CLIC5: variants seen among roughly 807,000 people sequenced by gnomAD.
The protein encoded by CLIC5 is chloride intracellular channel protein 5.
CLIC5 carries 20 observed loss-of-function variants against 24.7 expected under a neutral mutation model. That is an observed-to-expected ratio of 0.81 (90% confidence interval 0.57 to 1.18). CLIC5 has a LOEUF of 1.18. Among genes scored for constraint, CLIC5 ranks in the 50% most tolerant of loss-of-function variants. CLIC5 has a pLI of 0.00. For missense variants in CLIC5, 341 were observed against 326.1 expected (o/e 1.05, Z -0.35); for synonymous variants, 159 against 135.6 (o/e 1.17, Z -1.20).
upstream of CLIC5, among the ~76,000 whole-genome samples, chr6:46,016,199 G>GAAGGGGAAGAGGAAGGGGAAAGGGGA (rs1767003941): frequency 8.6e-6 from 1 of 116,268 alleles, no homozygotes; most frequent in Non-Finnish European, 1.9e-5. Context: ...GGGGAAAGGG[G>GAAGGGGAAGAGGAAGGGGAAAGGGGA]AAGGGGAAGA....
chr6:45,957,604 A>G (rs1764688257), intron 1 of CLIC5, among the ~76,000 whole-genome samples: 1 of 152,202 alleles, frequency 6.6e-6, no homozygotes, highest in South Asian at 2.1e-4. Context: ...AGCATAGGGC[A>G]TGGTATCCTT....
intron 1 of CLIC5, among the ~76,000 whole-genome samples, chr6:46,026,950 A>G (rs1357137229): frequency 6.6e-6 from 1 of 152,228 alleles, no homozygotes; most frequent in East Asian, 1.9e-4. Context: ...CAAATGAGAT[A>G]GTAATCTCAT....
At chr6:45,983,318 T>C (rs1765626101) in intron 1 of CLIC5, among the ~76,000 whole-genome samples, 1 of 152,144 alleles carries the variant, frequency 6.6e-6, no homozygotes, top group Admixed American at 6.5e-5. Flanking sequence ...GTGTGTGCTG[T>C]CATGCACAGA....
chr6:46,041,847 G>T (rs1041270777), intron 1 of CLIC5, among the ~76,000 whole-genome samples: 3 of 152,154 alleles, frequency 2.0e-5, no homozygotes, highest in African/African-American at 7.2e-5. Context: ...ATGGCAGAGT[G>T]CCTGACACAG....
At chr6:46,091,663 A>G in the CLIC5 span, among the ~76,000 whole-genome samples, 1 of 152,214 alleles carries the variant, frequency 6.6e-6, no homozygotes, top group Non-Finnish European at 1.5e-5. Flanking sequence ...GCTTGAGCCC[A>G]GGAGGTCGAG....
the CLIC5 span, among the ~76,000 whole-genome samples, chr6:46,093,047 C>A: frequency 6.6e-6 from 1 of 152,174 alleles, no homozygotes; most frequent in Middle Eastern, 3.2e-3. Flanking sequence ...TTTCGCAGTA[C>A]AGCTAAGAAT....
chr6:45,987,052 T>A (rs1197331159), intron 1 of CLIC5, among the ~76,000 whole-genome samples: 1 of 152,268 alleles, frequency 6.6e-6, no homozygotes, highest in South Asian at 2.1e-4. Context: ...GGAGACCTGA[T>A]ACTCTTTCAC....
downstream of CLIC5, among the ~76,000 whole-genome samples, chr6:45,897,152 C>T (rs1188812266): frequency 1.3e-5 from 2 of 152,162 alleles, no homozygotes; most frequent in Non-Finnish European, 2.9e-5. Context: ...GAGGCTGCTA[C>T]CCTCTCAGGG....
intron 1 of CLIC5, among the ~76,000 whole-genome samples, chr6:46,008,998 G>A (rs1766702021): frequency 6.6e-6 from 1 of 152,076 alleles, no homozygotes; most frequent in South Asian, 2.1e-4. Flanking sequence ...AGCTTCTTAA[G>A]CATACAGATG....
At chr6:45,976,864 A>T (rs3777600) in intron 1 of CLIC5, among the ~76,000 whole-genome samples, 19,064 of 152,152 alleles carry the variant, frequency 0.13, 1,762 homozygotes, top group East Asian at 0.48. Flanking sequence ...AACACTAACA[A>T]CAACAAAAGG....
At chr6:45,908,383 T>A (rs1423473382) in intron 5 of CLIC5, among the ~76,000 whole-genome samples, 1 of 152,212 alleles carries the variant, frequency 6.6e-6, no homozygotes, top group African/African-American at 2.4e-5. Flanking sequence ...ATTTGAGATC[T>A]TTCTAACTTT....
intron 1 of CLIC5, among the ~76,000 whole-genome samples, chr6:45,971,663 T>G (rs373114558): frequency 1.3e-5 from 2 of 152,230 alleles, no homozygotes; most frequent in Non-Finnish European, 2.9e-5. Flanking sequence ...TTGCAACTTG[T>G]GCTTCATCTG....
intron 1 of CLIC5, among the ~76,000 whole-genome samples, chr6:45,975,558 G>T (rs1297361475): frequency 6.6e-6 from 1 of 152,100 alleles, no homozygotes; most frequent in African/African-American, 2.4e-5. Context: ...ATTGGGGCAG[G>T]CAAGTGCTTG....
At chr6:45,896,622 C>T (rs934088000), downstream of CLIC5, among the ~76,000 whole-genome samples, 6 of 152,206 alleles carry the variant, frequency 3.9e-5, no homozygotes, top group African/African-American at 1.4e-4. Flanking sequence ...ATAAAAGCAG[C>T]ATAGGTCACA....
intron 1 of CLIC5, among the ~76,000 whole-genome samples, chr6:45,965,139 A>G (rs1232652911): frequency 1.3e-5 from 2 of 152,216 alleles, no homozygotes; most frequent in Admixed American, 6.5e-5. Context: ...GAAAGAAAAT[A>G]CATGAAGAAC....
chr6:45,976,059 T>G (rs1765374796), intron 1 of CLIC5, among the ~76,000 whole-genome samples: 1 of 152,114 alleles, frequency 6.6e-6, no homozygotes. Flanking sequence ...CTCTGACACC[T>G]TCTCTGCCTA....
chr6:45,963,653 A>T (rs1232305947), intron 1 of CLIC5, among the ~76,000 whole-genome samples: 1 of 144,528 alleles, frequency 6.9e-6, no homozygotes, highest in African/African-American at 2.6e-5. Flanking sequence ...CCCTAAGCTT[A>T]AAAAAAAAAA....
At chr6:46,029,871 C>T (rs1262732290) in intron 1 of CLIC5, among the ~76,000 whole-genome samples, 1 of 152,192 alleles carries the variant, frequency 6.6e-6, no homozygotes. Context: ...TGAGCTTCCC[C>T]TGCTCCTGTT....
At chr6:45,884,123 G>A (rs1762284009) in intron 6 of CLIC5, among the ~76,000 whole-genome samples, 1 of 152,194 alleles carries the variant, frequency 6.6e-6, no homozygotes. Context: ...AGGGGCCTGG[G>A]CTCCTTCCAT....
Sources: allele counts gnomAD v4.1 joint callset (sites outside exome capture counted in the v4.1 genomes callset), GRCh38; gene constraint gnomAD v4.1.1; transcripts MANE v1.5; gene names NCBI Gene and HGNC (gene_info 2026-07-23, HGNC 2026-07-21).